The following SCAI variants were observed in gnomAD, a reference collection of about 807,000 sequenced individuals.
SCAI encodes protein SCAI.
A neutral mutation model predicts 92.2 loss-of-function variants in SCAI; 24 were observed. That is an observed-to-expected ratio of 0.26 (90% CI 0.19 to 0.37). The LOEUF (loss-of-function observed/expected upper bound fraction) is 0.37, where lower values mean the gene tolerates loss of function less well. SCAI is among the 10% of genes least tolerant of loss of function. The pLI, the probability that SCAI is intolerant of heterozygous loss-of-function variation, is 1.00. For missense variants in SCAI, 450 were observed against 736.2 expected, an observed-to-expected ratio of 0.61 and a Z score of 4.50; for synonymous variants, 261 against 258.6, an observed-to-expected ratio of 1.01 and a Z score of -0.09.
chr9:124,995,510 C>T (rs1832221186), intron 13 of SCAI, among the ~76,000 whole-genome samples: 1 of 151,536 alleles, frequency 6.6e-6, no homozygotes, highest in Non-Finnish European at 1.5e-5. Flanking sequence ...TTAAAGACAC[C>T]GTCTTGCTCC....
intron 17 of SCAI, among the ~76,000 whole-genome samples, chr9:124,962,876 G>A (rs1031616581): frequency 3.3e-5 from 5 of 150,204 alleles, no homozygotes; most frequent in Non-Finnish European, 5.9e-5. Context: ...TTGGCTCACT[G>A]CAACCTCCAC....
At chr9:125,122,244 T>C (rs948596077) in intron 2 of SCAI, among the ~76,000 whole-genome samples, 1 of 152,248 alleles carries the variant, frequency 6.6e-6, no homozygotes, top group Non-Finnish European at 1.5e-5. Context: ...AATTCTCTTA[T>C]AAATTATTTA....
At chr9:125,121,460 A>G (rs1835153756) in intron 2 of SCAI, among the ~76,000 whole-genome samples, 1 of 151,970 alleles carries the variant, frequency 6.6e-6, no homozygotes, top group South Asian at 2.1e-4. Context: ...CCTTAAGCCA[A>G]AGTCCTTTTC....
chr9:125,113,663 A>T (rs1385108804), intron 2 of SCAI, among the ~76,000 whole-genome samples: 4 of 135,320 alleles, frequency 3.0e-5, no homozygotes, highest in Non-Finnish European at 3.1e-5. Flanking sequence ...AAGTATAAAG[A>T]TTTTTTTTTT....
intron 2 of SCAI, among the ~76,000 whole-genome samples, chr9:125,121,485 C>A (rs531445959): frequency 6.6e-6 from 1 of 152,058 alleles, no homozygotes; most frequent in African/African-American, 2.4e-5. Context: ...TTGGAAATGG[C>A]TAGAACTGGC....
At chr9:125,023,223 T>A (rs907252363) in intron 6 of SCAI, among the ~76,000 whole-genome samples, 3 of 152,212 alleles carry the variant, frequency 2.0e-5, no homozygotes, top group African/African-American at 7.2e-5. Flanking sequence ...CCTTCTAGTT[T>A]CAATTTTCTT....
chr9:125,072,473 A>T (rs1833997372), intron 2 of SCAI, among the ~76,000 whole-genome samples: 1 of 152,212 alleles, frequency 6.6e-6, no homozygotes, highest in South Asian at 2.1e-4. Context: ...AAAAATTGAA[A>T]AATGTAGAAA....
At chr9:125,092,131 TAAAAAAAAAAAAAA>T (rs71374225) in intron 2 of SCAI, among the ~76,000 whole-genome samples, 1,864 of 61,084 alleles carry the variant, frequency 0.031, 117 homozygotes, top group African/African-American at 0.1. Flanking sequence ...CTCCGTCTCT[TAAAAAAAAAAAAAA>T]AAAAAAAAAA....
intron 3 of SCAI, among the ~76,000 whole-genome samples, chr9:125,046,700 A>G (rs955250719): frequency 5.9e-5 from 8 of 136,568 alleles, no homozygotes; most frequent in African/African-American, 2.3e-4. Flanking sequence ...AAACTACTGA[A>G]ATTTAAAAAA....
At position 125,055,902 on chromosome 9, in the gene SCAI, T is replaced by C; in HGVS notation, c.204A>G (p.Lys68=). Residue 68 remains lysine (K), a synonymous_variant, in exon 3 of 18, where the codon AAA becomes AAG. Transcript: ENST00000336505. Reference sequence around the variant, plus strand: ...TTAACCCATTGAACAGTTGCTTAGATTTATCCAGAAGATAACAAAAATCTG... The same window carrying C: ...TTAACCCATTGAACAGTTGCTTAGACTTATCCAGAAGATAACAAAAATCTG... ...TVTDFCYLLD[K]SKQLFNGLRD... 1 of 1,612,850 alleles carries C rather than the reference T, an allele frequency of 6.2e-7. No individual in the cohort carries two copies. Among genetic ancestry groups the C allele is most frequent in the Non-Finnish European group, 8.5e-7 (1 of 1,179,452 alleles).
At chr9:125,016,898 ATCT>A (rs769857554) in intron 9 of SCAI, among the ~76,000 whole-genome samples, 4 of 152,236 alleles carry the variant, frequency 2.6e-5, no homozygotes, top group Non-Finnish European at 5.9e-5. Context: ...GTTCACTGGA[ATCT>A]CAGTATCTGG....
intron 17 of SCAI, among the ~76,000 whole-genome samples, chr9:124,955,554 G>A (rs553618787): frequency 1.2e-4 from 19 of 152,208 alleles, no homozygotes; most frequent in Non-Finnish European, 2.4e-4. Flanking sequence ...CCGGGAGGCA[G>A]AGGTTGCAGT....
intron 15 of SCAI, 47 bp from the exon 16 acceptor site, chr9:124,971,891 G>A: frequency 8.5e-7 from 1 of 1,177,224 alleles, no homozygotes; most frequent in Non-Finnish European, 1.2e-6. Flanking sequence ...TTTTGCAAAA[G>A]ATAAGAGATA....
In SCAI at chr9:124,944,466, A is replaced by ATTTTTTTTTTTTTTTTTTTTTTTTTTT. The variant is rs71374207; in HGVS notation, c.*8340_*8341insAAAAAAAAAAAAAAAAAAAAAAAAAAA. On this transcript the variant is annotated 3_prime_UTR_variant, in exon 18 of 18. Transcript: ENST00000336505. The stretch of plus-strand genomic sequence containing the variant: ...AGGCGCACACCACCATGCCTGGCTA[A>ATTTTTTTTTTTTTTTTTTTTTTTTTTT]TTTTTTTTTTTTTTTTTTTTTTTTT... The ATTTTTTTTTTTTTTTTTTTTTTTTTTT allele has an allele frequency of 1.2e-5, 1 of 84,726 alleles. No homozygotes were observed. Among genetic ancestry groups the ATTTTTTTTTTTTTTTTTTTTTTTTTTT allele is most frequent in the Non-Finnish European group, 2.1e-5 (1 of 47,520 alleles). 5.2% of individuals were successfully genotyped at this position (84,726 alleles called of 1,614,324 possible). A position where few individuals can be genotyped will look rare whatever the true frequency, so the allele number is the denominator to read the frequency against.
intron 3 of SCAI, among the ~76,000 whole-genome samples, chr9:125,046,637 T>C (rs1229749302): frequency 1.3e-5 from 2 of 148,216 alleles, no homozygotes; most frequent in Non-Finnish European, 3.0e-5. Flanking sequence ...CAAAATCTCA[T>C]AAATCACTAC....
intron 2 of SCAI, among the ~76,000 whole-genome samples, chr9:125,067,194 A>G (rs1833889932): frequency 6.6e-6 from 1 of 152,230 alleles, no homozygotes; most frequent in Non-Finnish European, 1.5e-5. Context: ...GAAAAAGAAC[A>G]TATATTTTAA....
At chr9:124,976,473 T>C (rs1481198032) in intron 14 of SCAI, among the ~76,000 whole-genome samples, 1 of 152,222 alleles carries the variant, frequency 6.6e-6, no homozygotes, top group Non-Finnish European at 1.5e-5. Context: ...CATCTGGCTG[T>C]ATACCAAGAG....
In SCAI at chr9:125,091,714, C is replaced by T. The variant is rs975809758; in HGVS notation, c.99-35707G>A. On this transcript the variant is annotated intron_variant, in intron 2 of 17. Coordinates refer to ENST00000336505, the MANE Select transcript of SCAI (RefSeq NM_001144877.3). The surrounding 1 kb of genome is among the most constrained non-coding windows in gnomAD (Gnocchi z 4.3). Reference sequence around the variant, plus strand: ...TCCTAGTCCACTCACTCTTCACTTTCCAGAGCCCTATCTCACACTTTCTCT... The same window carrying T: ...TCCTAGTCCACTCACTCTTCACTTTTCAGAGCCCTATCTCACACTTTCTCT... Among the ~76,000 whole-genome samples, 1 of 152,184 alleles carries T rather than the reference C, an allele frequency of 6.6e-6. No homozygotes were observed. Among genetic ancestry groups the T allele is most frequent in the African/African-American group, 2.4e-5 (1 of 41,448 alleles).
At chr9:125,000,493 T>C (rs1313102651) in intron 12 of SCAI, among the ~76,000 whole-genome samples, 3 of 145,058 alleles carry the variant, frequency 2.1e-5, no homozygotes, top group Non-Finnish European at 4.6e-5. Flanking sequence ...TACAAAAAAA[T>C]TTTAAAAATT....
Sources: gnomAD v4.1 joint callset for allele counts (sites outside exome capture counted in the v4.1 genomes callset) on GRCh38, gnomAD v4.1.1 for gene constraint, Gnocchi (gnomAD v3.1) non-coding constraint, MANE v1.5 for transcripts, NCBI Gene and HGNC (gene_info 2026-07-23, HGNC 2026-07-21) for gene names.